Variants in HUS1 observed in about 807,000 individuals in gnomAD.
HUS1 encodes HUS1 checkpoint clamp component.
HUS1 carries 31 observed loss-of-function variants against 32.6 expected under a neutral mutation model. That is an observed-to-expected ratio of 0.95 (90% CI 0.72 to 1.28). HUS1 has a LOEUF of 1.28. HUS1 is among the 50% of genes most tolerant of loss of function. HUS1 has a pLI of 0.00. For missense variants in HUS1, 340 were observed against 337.7 expected (o/e 1.01, Z -0.05); for synonymous variants, 123 against 116.6 (o/e 1.06, Z -0.36).
rs565528133 is a variant in HUS1 at position 47,964,966 on chromosome 7, G to C, written c.*390C>G. 6.2e-5 allele frequency: 12 copies of C among 193,698 alleles called. No homozygotes were observed. The Admixed American group carries it at 6.4e-4, about 10-fold the overall frequency. The allele number at this position is 193,698 out of a possible 1,614,324, so 12.0% of individuals were successfully genotyped here. ...CAAGACTGACTGTGCGCTACAGGCC[G>C]TGCTGAGCTAGAGCCTCTGCCTGGA... On this transcript the variant is annotated 3_prime_UTR_variant, in exon 8 of 8. Coordinates refer to ENST00000258774, the MANE Select transcript of HUS1 (RefSeq NM_004507.4).
rs1326494209 is a variant in HUS1 at position 47,964,746 on chromosome 7, A to C, written c.*610T>G. 1 of 152,300 alleles carries C rather than the reference A, an allele frequency of 6.6e-6. No individual in the cohort carries two copies. Among genetic ancestry groups the C allele is most frequent in the Non-Finnish European group, 1.5e-5 (1 of 68,114 alleles). 9.4% of individuals were successfully genotyped at this position (152,300 alleles called of 1,614,324 possible). A position where few individuals can be genotyped will look rare whatever the true frequency, so the allele number is the denominator to read the frequency against. On this transcript the variant is annotated 3_prime_UTR_variant, in exon 8 of 8. Coordinates refer to ENST00000258774, the MANE Select transcript of HUS1 (RefSeq NM_004507.4). ...AGCTAAGAGCTGTGTTGGCTGGGCC[A>C]GCTCTCTAGGCATCAAGAGGGGAGT... is the stretch of plus-strand genomic sequence containing the variant.
chr7:47,965,528 C>G, intron 7 of HUS1, 90 bp from the exon 8 acceptor site: 1 of 815,324 alleles, frequency 1.2e-6, no homozygotes, highest in Non-Finnish European at 2.1e-6. Flanking sequence ...CCAGCCTGCA[C>G]CTCCTGTTTT....
chr7:47,972,678 T>C (rs1374035481), intron 5 of HUS1, among the ~76,000 whole-genome samples: 1 of 118,484 alleles, frequency 8.4e-6, no homozygotes, highest in African/African-American at 2.8e-5. Context: ...GAAGCCCCTG[T>C]CATAGCTGCA....
intron 7 of HUS1, among the ~76,000 whole-genome samples, chr7:47,966,629 G>A (rs982867018): frequency 6.6e-6 from 1 of 152,142 alleles, no homozygotes; most frequent in African/African-American, 2.4e-5. Context: ...TGGGAGAAGT[G>A]CAGCCATGAG....
intron 4 of HUS1, 29 bp from the exon 5 acceptor site, chr7:47,975,716 G>T: frequency 7.4e-7 from 1 of 1,353,082 alleles, no homozygotes; most frequent in Non-Finnish European, 1.0e-6. Context: ...AAAAGCACAA[G>T]TATTAAAAAT....
chr7:47,968,026 A>C (rs1788517824), intron 6 of HUS1, 101 bp from the exon 7 acceptor site: 5 of 1,278,878 alleles, frequency 3.9e-6, no homozygotes, highest in Admixed American at 2.3e-5. Flanking sequence ...TCACTTTAGC[A>C]CTGATTTTAG....
intron 3 of HUS1, chr7:47,978,164 A>G (rs1212143955): frequency 4.9e-6 from 2 of 404,290 alleles, no homozygotes; most frequent in African/African-American, 2.0e-5. Context: ...CAATACCACT[A>G]CAAGAAACAG....
intron 6 of HUS1, among the ~76,000 whole-genome samples, chr7:47,968,598 CCCTGGTCCTTTA>C (rs1409382414): frequency 1.3e-5 from 2 of 152,318 alleles, no homozygotes; most frequent in South Asian, 2.1e-4. Context: ...GGTGTTTCTC[CCCTGGTCCTTTA>C]CCTGCTTTCC....
intron 5 of HUS1, among the ~76,000 whole-genome samples, chr7:47,970,987 T>C (rs1302913490): frequency 6.6e-6 from 1 of 152,170 alleles, no homozygotes; most frequent in Non-Finnish European, 1.5e-5. Context: ...GCATAAACAG[T>C]GTGAGCCTTA....
At chr7:47,974,027 T>G (rs1232994464) in intron 5 of HUS1, among the ~76,000 whole-genome samples, 1 of 152,206 alleles carries the variant, frequency 6.6e-6, no homozygotes. Flanking sequence ...GAAAACAGAT[T>G]TTATAGATTA....
At chr7:47,978,943 A>T in intron 1 of HUS1, 127 bp from the exon 2 acceptor site, 1 of 967,302 alleles carries the variant, frequency 1.0e-6, no homozygotes, top group African/African-American at 1.6e-5. Context: ...CGTTGGTATC[A>T]CACTGGAAAG....
chr7:47,974,884 A>G (rs1788668332), intron 5 of HUS1, among the ~76,000 whole-genome samples: 1 of 152,190 alleles, frequency 6.6e-6, no homozygotes, highest in African/African-American at 2.4e-5. Flanking sequence ...TGCTTGGAAT[A>G]AAGGCTGCTA....
chr7:47,978,904 A>T, intron 1 of HUS1, 88 bp from the exon 2 acceptor site: 1 of 1,363,024 alleles, frequency 7.3e-7, no homozygotes, highest in Non-Finnish European at 1.0e-6. Flanking sequence ...CTTGTTCATC[A>T]ACTTCTCGGT....
At chr7:47,973,921 C>T (rs929163069) in intron 5 of HUS1, among the ~76,000 whole-genome samples, 2 of 152,192 alleles carry the variant, frequency 1.3e-5, no homozygotes, top group African/African-American at 4.8e-5. Context: ...CTGGAAGTCC[C>T]CAGGGTATCC....
chr7:47,967,694 T>C, intron 7 of HUS1, 112 bp downstream of exon 7: 1 of 453,220 alleles, frequency 2.2e-6, no homozygotes, highest in Non-Finnish European at 3.1e-6. Context: ...TAATTGAGCT[T>C]TTTTTTTTTT....
Position 47,963,921 on chromosome 7 carries a change from AAAAC to A in HUS1, c.*1431_*1434del, listed in dbSNP as rs963632116. On this transcript the variant is annotated 3_prime_UTR_variant, in exon 8 of 8. Transcript: ENST00000258774. ...ACTCCGTCTCAAAAAAAAAAACCAA[AAAAC>A]AAACAAAAAACCATTACTAAACATC... The A allele has an allele frequency of 6.6e-5, 10 of 152,120 alleles. No homozygotes were observed. The highest frequency in any genetic ancestry group is 1.2e-4 in the Non-Finnish European group (8 of 68,022). 9.4% of individuals were successfully genotyped at this position (152,120 alleles called of 1,614,324 possible).
Position 47,963,511 on chromosome 7 carries a change from T to C in HUS1, c.*1845A>G, listed in dbSNP as rs979911012. 6.6e-6 allele frequency: 1 copy of C among 152,236 alleles called. No homozygotes were observed. Among genetic ancestry groups the C allele is most frequent in the Non-Finnish European group, 1.5e-5 (1 of 68,032 alleles). The allele number at this position is 152,236 out of a possible 1,614,324, so 9.4% of individuals were successfully genotyped here. A position where few individuals can be genotyped will look rare whatever the true frequency, so the allele number is the denominator to read the frequency against. ...GATTTTTAAGTTTTCTCACTGCAGC[T>C]GGAATTAATTTCGTTACAATGAGAG... On this transcript the variant is annotated 3_prime_UTR_variant, in exon 8 of 8. Transcript: ENST00000258774.
Position 47,978,826 on chromosome 7 carries a change from G to T in HUS1, c.53-10C>A, listed in dbSNP as rs773843452. ...ATCATGTTACTGATTCCTAAAGCAG[G>T]GGTTAAAATAAGGAATTACTAAAAT... On this transcript the variant is annotated splice_polypyrimidine_tract_variant and intron_variant, in intron 1 of 7. Transcript: ENST00000258774. The T allele has an allele frequency of 1.2e-6, 2 of 1,612,256 alleles. No homozygotes were observed. The highest frequency in any genetic ancestry group is 1.7e-6 in the Non-Finnish European group (2 of 1,179,422).
chr7:47,977,691 A>C (rs1788734341), intron 3 of HUS1, among the ~76,000 whole-genome samples: 1 of 152,182 alleles, frequency 6.6e-6, no homozygotes, highest in African/African-American at 2.4e-5. Context: ...CAGGAGTTCG[A>C]GACCAGCCTG....
Sources: gnomAD v4.1 joint callset for allele counts (sites outside exome capture counted in the v4.1 genomes callset) on GRCh38, gnomAD v4.1.1 for gene constraint, MANE v1.5 for transcripts, NCBI Gene and HGNC (gene_info 2026-07-23, HGNC 2026-07-21) for gene names.